The following MALRD1 variants were observed in gnomAD, a reference collection of about 807,000 sequenced individuals.
The protein encoded by MALRD1 is MAM and LDL receptor class A domain containing 1, also known as MAM and LDL-receptor class A domain-containing protein 1.
Under a neutral mutation model 242.1 loss-of-function variants are expected in MALRD1, and 247 were observed. The ratio of observed to expected loss-of-function variants is 1.02; its 90% CI spans 0.92 to 1.13. MALRD1 has a LOEUF of 1.13. MALRD1 is among the 50% of genes most tolerant of loss of function. The pLI, the probability that MALRD1 is intolerant of heterozygous loss-of-function variation, is 0.00. For synonymous variants in MALRD1, 995 were observed against 866.6 expected (o/e 1.15, Z -2.60); for missense variants, 2,989 against 2,533.1 (o/e 1.18, Z -3.86).
intron 32 of MALRD1, among the ~76,000 whole-genome samples, chr10:19,555,877 G>A (rs1835695396): frequency 6.6e-6 from 1 of 152,102 alleles, no homozygotes; most frequent in Admixed American, 6.6e-5. Context: ...TTATTTTAAA[G>A]TCCAAAATTA....
Position 19,636,931 on chromosome 10 carries a change from T to A in MALRD1, c.6137+21008T>A, listed in dbSNP as rs1351073670. On this transcript the variant is annotated intron_variant, in intron 36 of 39. Coordinates refer to ENST00000454679, the MANE Select transcript of MALRD1 (RefSeq NM_001142308.3). Reference sequence around the variant, plus strand: ...AAAAAAAACGCAGAGTAGATTTTTTTAAAAAATATGACATTACTATATTAT... The same window carrying A: ...AAAAAAAACGCAGAGTAGATTTTTTAAAAAAATATGACATTACTATATTAT... Among the ~76,000 whole-genome samples the A allele has an allele frequency of 9.2e-5, 14 of 151,586 alleles. No homozygotes were observed. In the South Asian group the frequency reaches 1.0e-3, roughly 11 times the overall value.
intron 32 of MALRD1, among the ~76,000 whole-genome samples, chr10:19,558,833 C>G (rs1011371434): frequency 7.2e-5 from 11 of 152,018 alleles, no homozygotes; most frequent in African/African-American, 2.7e-4. Flanking sequence ...GTAGATGTGC[C>G]TTTCAAGGAA....
chr10:19,475,488 A>C (rs1476007223), intron 29 of MALRD1, among the ~76,000 whole-genome samples: 1 of 152,356 alleles, frequency 6.6e-6, no homozygotes, highest in Non-Finnish European at 1.5e-5. Flanking sequence ...AATAAAGAAT[A>C]TAAGGTAAAA....
At chr10:19,296,523 T>C (rs763695332) in intron 21 of MALRD1, among the ~76,000 whole-genome samples, 1 of 152,074 alleles carries the variant, frequency 6.6e-6, no homozygotes, top group African/African-American at 2.4e-5. Context: ...AATTGTTATA[T>C]ATCAAAATAT....
At chr10:19,167,680 A>G (rs1350154537) in intron 13 of MALRD1, among the ~76,000 whole-genome samples, 1 of 152,142 alleles carries the variant, frequency 6.6e-6, no homozygotes, top group African/African-American at 2.4e-5. Context: ...GCCAGAGATA[A>G]TATCAGTGTG....
intron 32 of MALRD1, among the ~76,000 whole-genome samples, chr10:19,554,476 C>T (rs112581824): frequency 5.9e-5 from 9 of 152,196 alleles, no homozygotes; most frequent in African/African-American, 1.9e-4. Flanking sequence ...GTTTGCTGCA[C>T]CTATCAACCT....
chr10:19,642,792 A>G (rs534267539), intron 36 of MALRD1, among the ~76,000 whole-genome samples: 101 of 152,208 alleles, frequency 6.6e-4, no homozygotes, highest in African/African-American at 2.3e-3. Context: ...GTCAAAGATT[A>G]TTGCATCTAT....
chr10:19,271,114 A>C (rs1025167892), intron 19 of MALRD1, among the ~76,000 whole-genome samples: 1 of 152,180 alleles, frequency 6.6e-6, no homozygotes, highest in African/African-American at 2.4e-5. Flanking sequence ...CCCGTAACCA[A>C]GCAATTCCGT....
rs780929876 is a variant in MALRD1, at chr10:19,352,196, G to A, written c.4340G>A (p.Gly1447Asp). 27 of 1,550,412 alleles carry A rather than the reference G, an allele frequency of 1.7e-5. No individual in the cohort carries two copies. Among genetic ancestry groups the A allele is most frequent in the East Asian group, 7.3e-5 (3 of 40,878 alleles). The change falls in exon 26 of 40, where the codon GGT becomes GAT. Residue 1447 changes from glycine to aspartate, a missense_variant. Coordinates refer to ENST00000454679, the MANE Select transcript of MALRD1 (RefSeq NM_001142308.3). The stretch of plus-strand genomic sequence containing the variant: ...AAATTTGAAGGTAGAGTTGGGAAAG[G>A]TCAGCGTGGAGACATTGCACTTGAT... ...QLKFEGRVGK[G>D]QRGDIALDDI...
chr10:19,433,394 A>G (rs1000857764), intron 28 of MALRD1, among the ~76,000 whole-genome samples: 21 of 152,060 alleles, frequency 1.4e-4, no homozygotes, highest in Non-Finnish European at 1.2e-4. Context: ...TTTGAAAGGG[A>G]ATGTGTGACT....
At chr10:19,558,735 TG>T (rs1835833830) in intron 32 of MALRD1, among the ~76,000 whole-genome samples, 1 of 152,188 alleles carries the variant, frequency 6.6e-6, no homozygotes, top group African/African-American at 2.4e-5. Flanking sequence ...ATTATGGTTT[TG>T]TTTTGAAAGG....
At chr10:19,263,278 C>T (rs894621583) in intron 19 of MALRD1, among the ~76,000 whole-genome samples, 5 of 152,148 alleles carry the variant, frequency 3.3e-5, no homozygotes, top group African/African-American at 9.7e-5. Flanking sequence ...AAGTGTTCCC[C>T]TTTCTCCACA....
chr10:19,581,252 G>C (rs1342184380), intron 33 of MALRD1, among the ~76,000 whole-genome samples: 1 of 150,932 alleles, frequency 6.6e-6, no homozygotes, highest in Non-Finnish European at 1.5e-5. Flanking sequence ...AAGTTTTAGG[G>C]TACATGTGCA....
At chr10:19,466,718 A>G (rs1032640625) in intron 29 of MALRD1, among the ~76,000 whole-genome samples, 3 of 152,078 alleles carry the variant, frequency 2.0e-5, no homozygotes, top group African/African-American at 4.8e-5. Flanking sequence ...ATTTTTTCAG[A>G]ATTTGGAGTA....
intron 36 of MALRD1, among the ~76,000 whole-genome samples, chr10:19,640,253 C>G (rs545135475): frequency 2.4e-4 from 36 of 152,224 alleles, no homozygotes; most frequent in African/African-American, 8.2e-4. Context: ...CCACACCCAG[C>G]TAATTTTTGT....
At chr10:19,238,499 A>ATGTACAT (rs371120037) in intron 18 of MALRD1, among the ~76,000 whole-genome samples, 22 of 12,820 alleles carry the variant, frequency 1.7e-3, no homozygotes, top group African/African-American at 0.012. Flanking sequence ...ATAATATATA[A>ATGTACAT]TATAATATAT....
intron 24 of MALRD1, 90 bp from the exon 25 acceptor site, chr10:19,347,681 A>G: frequency 7.1e-7 from 1 of 1,405,206 alleles, no homozygotes; most frequent in Non-Finnish European, 9.6e-7. Context: ...ATATTACATG[A>G]TACAGCAAGA....
At chr10:19,540,594 A>G (rs556277275) in intron 32 of MALRD1, among the ~76,000 whole-genome samples, 3 of 152,242 alleles carry the variant, frequency 2.0e-5, no homozygotes, top group Non-Finnish European at 2.9e-5. Flanking sequence ...GAAAATGATA[A>G]CCCTTGTTAA....
At chr10:19,052,183 A>G (rs1001934520) in intron 1 of MALRD1, 39 of 377,094 alleles carry the variant, frequency 1.0e-4, no homozygotes, top group Non-Finnish European at 1.9e-4. Flanking sequence ...AAACAGTATT[A>G]CAGCAATTAA....
Sources: allele counts gnomAD v4.1 joint callset (sites outside exome capture counted in the v4.1 genomes callset), GRCh38; gene constraint gnomAD v4.1.1; transcripts MANE v1.5; gene names NCBI Gene and HGNC (gene_info 2026-07-23, HGNC 2026-07-21).